The following SPTBN4 variants were observed in gnomAD, a reference collection of about 807,000 sequenced individuals.
SPTBN4 encodes spectrin beta chain, non-erythrocytic 4.
A neutral mutation model predicts 277.8 loss-of-function variants in SPTBN4; 96 were observed. That is an observed-to-expected ratio of 0.35 (90% CI 0.29 to 0.41). SPTBN4 has a LOEUF of 0.41. Among genes scored for constraint, SPTBN4 ranks in the 10% least tolerant of loss-of-function variants. SPTBN4 has a pLI of 1.00. For missense variants in SPTBN4, 3,006 were observed against 3,595.7 expected, an observed-to-expected ratio of 0.84 and a Z score of 4.19; for synonymous variants, 1,481 against 1,580.3, an observed-to-expected ratio of 0.94 and a Z score of 1.49.
At chr19:40,517,576 T>C (rs920016660) in intron 15 of SPTBN4, among the ~76,000 whole-genome samples, 2 of 152,190 alleles carry the variant, frequency 1.3e-5, no homozygotes, top group African/African-American at 2.4e-5. Context: ...ATTACAGGCA[T>C]GAGCCACTCT....
Position 40,502,110 on chromosome 19 carries a change from C to G in SPTBN4, c.898-18C>G. On this transcript the variant is annotated intron_variant, in intron 8 of 35. Transcript: ENST00000598249. This position sits in a 1 kb window ranked among gnomAD's most constrained non-coding sequence, Gnocchi z 4.9. ...CACGGGTGGGATGAGGCTGACCCCC[C>G]TTCCTCTGCTGTGTCAGGTCTTGGA... The G allele has an allele frequency of 9.9e-6, 16 of 1,613,250 alleles. No individual in the cohort carries two copies. The highest frequency in any genetic ancestry group is 1.4e-5 in the Non-Finnish European group (16 of 1,179,676).
chr19:40,511,834 G>C (rs2080394254), intron 13 of SPTBN4, among the ~76,000 whole-genome samples: 1 of 152,120 alleles, frequency 6.6e-6, no homozygotes, highest in Non-Finnish European at 1.5e-5. Context: ...TTTAAGAAAA[G>C]AGAAGTTGGC....
At chr19:40,487,959 T>G in intron 3 of SPTBN4, 111 bp downstream of exon 3, 1 of 1,239,356 alleles carries the variant, frequency 8.1e-7, no homozygotes, top group East Asian at 2.8e-5. Context: ...CATGGGCGAG[T>G]GGAACGTGCT....
chr19:40,513,971 G>A (rs73050105), intron 14 of SPTBN4, among the ~76,000 whole-genome samples: 29,286 of 152,114 alleles, frequency 0.19, 3,659 homozygotes, highest in Non-Finnish European at 0.28. Flanking sequence ...CTGCATAAAT[G>A]TCACCTCCCT....
Position 40,556,903 on chromosome 19 carries a change from G to A in SPTBN4, c.5290-120G>A. The A allele has an allele frequency of 3.8e-6, 5 of 1,311,064 alleles. No individual in the cohort carries two copies. The South Asian group carries it at 7.1e-5, about 19-fold the overall frequency. The allele number at this position is 1,311,064 out of a possible 1,614,324, so 81.2% of individuals were successfully genotyped here. On this transcript the variant is annotated intron_variant, in intron 25 of 35. Transcript: ENST00000598249. ...CTATTGAACCACTGCACGCCAACCT[G>A]GGCGACAGAGCAAGACTCTGTATCA...
At chr19:40,500,933 A>G (rs558065320) in intron 7 of SPTBN4, among the ~76,000 whole-genome samples, 1 of 152,330 alleles carries the variant, frequency 6.6e-6, no homozygotes, top group Non-Finnish European at 1.5e-5. Context: ...ATGAAGCTCA[A>G]GCTCTAGATA....
chr19:40,513,227 G>A lies in SPTBN4; in HGVS notation c.2438G>A (p.Arg813His), dbSNP rs906462120. The A allele has an allele frequency of 2.0e-6, 3 of 1,513,826 alleles. No individual in the cohort carries two copies. Among genetic ancestry groups the A allele is most frequent in the South Asian group, 1.2e-5 (1 of 81,824 alleles). The allele number at this position is 1,513,826 out of a possible 1,614,324, so 93.8% of individuals were successfully genotyped here. The change falls in exon 14 of 36, where the codon CGC (arginine) becomes CAC (histidine). Residue 813 changes from arginine (R) to histidine (H), a missense_variant. Transcript: ENST00000598249. ...GAAGCTTCCAGCCGCCGCCTGGCGC[G>A]CCAGCACCGCGCGCTCACCGGGGAG... ...HDEASSRRLARQHRALTGEVE... is the reference protein window; with the variant it reads ...HDEASSRRLAHQHRALTGEVE...
chr19:40,572,504 A>T, intron 35 of SPTBN4, 124 bp downstream of exon 35: 1 of 1,269,658 alleles, frequency 7.9e-7, no homozygotes, highest in South Asian at 1.2e-5. Context: ...CAGGGCTGTA[A>T]TGGGAAAGCC....
chr19:40,570,793 G>T, intron 33 of SPTBN4, 65 bp downstream of exon 33: 1 of 1,552,238 alleles, frequency 6.4e-7, no homozygotes, highest in Middle Eastern at 1.9e-4. Flanking sequence ...GCGTGGAGCG[G>T]TGGGACTGAG....
At chr19:40,503,029 G>T in intron 11 of SPTBN4, 96 bp downstream of exon 11, 2 of 1,461,440 alleles carry the variant, frequency 1.4e-6, no homozygotes, top group Non-Finnish European at 9.2e-7. Context: ...CTAGGCAACA[G>T]GGAAGAGTTA....
At position 40,546,478 on chromosome 19, in the gene SPTBN4, G is replaced by A. The variant is rs527528091; in HGVS notation, c.4360-2711G>A. Among the ~76,000 whole-genome samples the A allele has an allele frequency of 9.9e-5, 15 of 152,140 alleles. No individual in the cohort carries two copies. The South Asian group carries it at 2.7e-3, about 27-fold the overall frequency. On this transcript the variant is annotated intron_variant, in intron 20 of 35. Transcript: ENST00000598249. ...ACCAAAAATTGTTCTAGGCTTTCAA[G>A]AATATAGCAGTGAGTGTGACACAGC...
chr19:40,494,422 CCT>C (rs1414401688), intron 5 of SPTBN4, among the ~76,000 whole-genome samples: 1 of 150,416 alleles, frequency 6.6e-6, no homozygotes, highest in Non-Finnish European at 1.5e-5. Context: ...CTCTCTCCTT[CCT>C]CTCTCTCTCC....
At chr19:40,494,577 CTA>C (rs372492225) in intron 5 of SPTBN4, among the ~76,000 whole-genome samples, 59 of 151,844 alleles carry the variant, frequency 3.9e-4, no homozygotes, top group African/African-American at 1.3e-3. Flanking sequence ...TTCTATCAAT[CTA>C]TATATATATC....
At chr19:40,516,405 C>T (rs181095557) in intron 15 of SPTBN4, among the ~76,000 whole-genome samples, 24 of 152,136 alleles carry the variant, frequency 1.6e-4, no homozygotes, top group African/African-American at 5.1e-4. Context: ...TAGGCTCAAG[C>T]GATCCTCCCA....
rs1243510423 is a variant in SPTBN4, at chr19:40,513,366, A to G, written c.2577A>G (p.Ala859=). ...VVALQVRVVE[A]EQLFAEVTEV... ...CGCTGCAGGTGCGCGTGGTGGAAGCAGAGCAGTTGTTCGCTGAGGTGACCG... is the reference window on the plus strand; with the variant it reads ...CGCTGCAGGTGCGCGTGGTGGAAGCGGAGCAGTTGTTCGCTGAGGTGACCG... Residue 859 remains alanine (A), a synonymous_variant, in exon 14 of 36, where the codon GCA becomes GCG. Coordinates refer to ENST00000598249, the MANE Select transcript of SPTBN4 (RefSeq NM_020971.3). The G allele has an allele frequency of 1.2e-6, 2 of 1,601,102 alleles. No individual in the cohort carries two copies. The highest frequency in any genetic ancestry group is 3.5e-5 in the Admixed American group (2 of 57,666).
At chr19:40,547,890 C>G (rs2080876016) in intron 20 of SPTBN4, among the ~76,000 whole-genome samples, 1 of 152,164 alleles carries the variant, frequency 6.6e-6, no homozygotes, top group African/African-American at 2.4e-5. Context: ...AGATTTTTCT[C>G]CATCCCAACA....
intron 12 of SPTBN4, among the ~76,000 whole-genome samples, chr19:40,504,541 C>T (rs990800265): frequency 6.6e-5 from 10 of 151,510 alleles, no homozygotes; most frequent in Non-Finnish European, 1.0e-4. Flanking sequence ...TAGTGGCGGG[C>T]GCCTGTAGTC....
At chr19:40,571,618 A>C in intron 33 of SPTBN4, 1 of 162,902 alleles carries the variant, frequency 6.1e-6, no homozygotes, top group Non-Finnish European at 1.3e-5. Flanking sequence ...GGATTCCTCC[A>C]GGATCGAGGC....
intron 18 of SPTBN4, 32 bp from the exon 19 acceptor site, chr19:40,532,593 C>A: frequency 6.3e-7 from 1 of 1,589,812 alleles, no homozygotes; most frequent in Non-Finnish European, 8.6e-7. Flanking sequence ...GTTGAGGGGA[C>A]CAGCTGAGCC....
Sources: gnomAD v4.1 joint callset for allele counts (sites outside exome capture counted in the v4.1 genomes callset) on GRCh38, gnomAD v4.1.1 for gene constraint, Gnocchi (gnomAD v3.1) non-coding constraint, MANE v1.5 for transcripts, NCBI Gene and HGNC (gene_info 2026-07-23, HGNC 2026-07-21) for gene names.